The following PIK3CG variants were observed in gnomAD, a reference collection of about 807,000 sequenced individuals.
The protein encoded by PIK3CG is phosphatidylinositol 4,5-bisphosphate 3-kinase catalytic subunit gamma isoform.
A neutral mutation model predicts 102.3 loss-of-function variants in PIK3CG; 55 were observed. That is an observed-to-expected ratio of 0.54 (90% CI 0.43 to 0.67). The LOEUF (loss-of-function observed/expected upper bound fraction) is 0.67. Among genes scored for constraint, PIK3CG ranks in the 30% least tolerant of loss-of-function variants. The pLI is 0.00. For synonymous variants in PIK3CG, 552 were observed against 540.0 expected (o/e 1.02, Z -0.31); for missense variants, 1,258 against 1,391.8 (o/e 0.90, Z 1.53).
rs2116522664 is a variant in PIK3CG, at chr7:106,879,562, G to A, written c.2435G>A (p.Trp812Ter). 6.2e-7 allele frequency: 1 copy of A among 1,613,622 alleles called. No individual in the cohort carries two copies. The highest frequency in any genetic ancestry group is 8.5e-7 in the Non-Finnish European group (1 of 1,179,658). The part of the protein sequence containing the change: ...KVMASKKKPL[W>*]LEFKCADPTA... ...ATGGCCTCCAAGAAAAAACCACTAT[G>A]GCTTGAGTTTAAATGTGCCGATCCT... is the stretch of plus-strand genomic sequence containing the variant. The change falls in exon 6 of 11, where the codon TGG becomes TAG. Residue 812 changes from tryptophan to a stop codon, truncating the protein, a stop_gained. Transcript: ENST00000496166. LOFTEE classifies it high-confidence loss of function. The surrounding 1 kb of genome is among the most constrained non-coding windows in gnomAD (Gnocchi z 4.9).
rs1790437213 is a variant in PIK3CG, at chr7:106,869,109, C to T, written c.1548C>T (p.Ile516=). 1 of 1,614,198 alleles carries T rather than the reference C, an allele frequency of 6.2e-7. No individual in the cohort carries two copies. The change falls in exon 2 of 11, where the codon ATC becomes ATT. Residue 516 remains isoleucine (I), a synonymous_variant. Transcript: ENST00000496166. The surrounding 1 kb of genome is among the most constrained non-coding windows in gnomAD (Gnocchi z 5.3). ...CAGACAAGGAGAACTCAATGTCCAT[C>T]TCCATTCTTCTGGACAATTACTGCC... is the stretch of plus-strand genomic sequence containing the variant. ...TNPDKENSMS[I]SILLDNYCHP... is the part of the protein sequence containing the mutation.
rs2116546970 is a variant in PIK3CG at position 106,883,209 on chromosome 7, C to A, written c.2760+46C>A. On this transcript the variant is annotated intron_variant, in intron 8 of 10. Transcript: ENST00000496166. The surrounding 1 kb of genome is among the most constrained non-coding windows in gnomAD (Gnocchi z 5.8). ...AGTCTAATGGCTCCTTACAAGTTGT[C>A]ATTTATATAGCAGTAGTGGCTTCAA... The A allele has an allele frequency of 6.2e-7, 1 of 1,605,418 alleles. No homozygotes were observed. Among genetic ancestry groups the A allele is most frequent in the South Asian group, 1.1e-5 (1 of 90,798 alleles).
intron 1 of PIK3CG, among the ~76,000 whole-genome samples, chr7:106,866,382 A>T (rs1790284013): frequency 6.6e-6 from 1 of 152,226 alleles, no homozygotes; most frequent in South Asian, 2.1e-4. Flanking sequence ...TTCCTATTGC[A>T]GTATGTCCTA....
chr7:106,897,016 T>G lies in PIK3CG; in HGVS notation c.3031-8093T>G, dbSNP rs1791426102. ...ATAAATTTATATTCTTTTTTCTATATAAATATTTTGTGTTAATTTACCAAA... is the reference window on the plus strand; with the variant it reads ...ATAAATTTATATTCTTTTTTCTATAGAAATATTTTGTGTTAATTTACCAAA... On this transcript the variant is annotated intron_variant, in intron 10 of 10. Transcript: ENST00000496166. The surrounding 1 kb of genome is among the most constrained non-coding windows in gnomAD (Gnocchi z 4.6). Among the ~76,000 whole-genome samples, 1 of 152,236 alleles carries G rather than the reference T, an allele frequency of 6.6e-6. No homozygotes were observed. Among genetic ancestry groups the G allele is most frequent in the Admixed American group, 6.5e-5 (1 of 15,288 alleles).
At chr7:106,900,040 T>C (rs529347219) in intron 10 of PIK3CG, among the ~76,000 whole-genome samples, 37 of 152,254 alleles carry the variant, frequency 2.4e-4, no homozygotes, top group Non-Finnish European at 3.1e-4. Context: ...GAGCTCATTA[T>C]TGGTCTGTTC....
Position 106,876,456 on chromosome 7 carries a change from A to G in PIK3CG, c.2391+1653A>G, listed in dbSNP as rs1156279930. On this transcript the variant is annotated intron_variant, in intron 5 of 10. Coordinates refer to ENST00000496166, the MANE Select transcript of PIK3CG (RefSeq NM_001282426.2). ...GCCCAGGGTGGAGTGCAGAGGCACG[A>G]TCTCGGCTCACTGCAAGCTCCTCCT... 2.0e-5 allele frequency among the ~76,000 whole-genome samples: 3 copies of G among 149,052 alleles called. No homozygotes were observed. In the East Asian group the frequency reaches 6.0e-4, roughly 30 times the overall value.
Position 106,879,607 on chromosome 7 carries a change from C to T in PIK3CG, c.2480C>T (p.Thr827Ile), listed in dbSNP as rs2116523830. Residue 827 changes from threonine to isoleucine, a missense_variant, in exon 6 of 11, where the codon ACA (threonine) becomes ATA (isoleucine). Physicochemically the swap from Thr to Ile is moderately conservative, Grantham distance 89. Transcript: ENST00000496166. The surrounding 1 kb of genome is among the most constrained non-coding windows in gnomAD (Gnocchi z 4.9). ...GATCCTACAGCCCTATCAAATGAAACAATTGGAATTATCTTTAAACATGGT... is the reference window on the plus strand; with the variant it reads ...GATCCTACAGCCCTATCAAATGAAATAATTGGAATTATCTTTAAACATGGT... Reference protein sequence around the residue: ...CADPTALSNETIGIIFKHGDD... With the variant: ...CADPTALSNEIIGIIFKHGDD... The T allele has an allele frequency of 6.2e-7, 1 of 1,612,694 alleles. No homozygotes were observed. The highest frequency in any genetic ancestry group is 8.5e-7 in the Non-Finnish European group (1 of 1,178,720).
At chr7:106,888,090 G>A (rs928611916) in intron 10 of PIK3CG, among the ~76,000 whole-genome samples, 6 of 151,794 alleles carry the variant, frequency 4.0e-5, no homozygotes, top group Admixed American at 1.3e-4. Context: ...ACACGTCCGT[G>A]CCACCATGCC....
rs2116455707 is a variant in PIK3CG, at chr7:106,869,017, C to T, written c.1456C>T (p.Gln486Ter). 6.2e-7 allele frequency: 1 copy of T among 1,614,162 alleles called. No individual in the cohort carries two copies. Among genetic ancestry groups the T allele is most frequent in the Non-Finnish European group, 8.5e-7 (1 of 1,180,036 alleles). ...TGGAGAATACGTCCTCCACATGTGG[C>T]AGATATCTGGGAAGGGAGAAGACCA... ...RRGEYVLHMW[Q>*]ISGKGEDQGS... The change falls in exon 2 of 11, where the codon CAG (glutamine) becomes TAG (stop). Residue 486 changes from glutamine to a stop codon, truncating the protein, a stop_gained. Transcript: ENST00000496166. LOFTEE classifies it high-confidence loss of function. The surrounding 1 kb of genome is among the most constrained non-coding windows in gnomAD (Gnocchi z 5.3).
chr7:106,886,101 A>G (rs1345548770), intron 9 of PIK3CG, 34 bp from the exon 10 acceptor site: 2 of 1,591,774 alleles, frequency 1.3e-6, no homozygotes, highest in South Asian at 2.2e-5. Flanking sequence ...GTGCTGTGCC[A>G]CTGTAATGAT....
At chr7:106,888,980 C>T (rs1412468836) in intron 10 of PIK3CG, among the ~76,000 whole-genome samples, 1 of 152,166 alleles carries the variant, frequency 6.6e-6, no homozygotes. Flanking sequence ...AGCCCAGTGC[C>T]TAGATCATAG....
rs569219747 is a variant in PIK3CG, at chr7:106,868,079, T to G, written c.518T>G (p.Leu173Arg). The G allele has an allele frequency of 1.2e-6, 2 of 1,612,966 alleles. No homozygotes were observed. The highest frequency in any genetic ancestry group is 1.7e-6 in the Non-Finnish European group (2 of 1,179,280). ...TDVSNVHDDE[L>R]EFTRRGLVTP... ...GTCAGCAACGTGCACGACGATGAGCTGGAGTTCACGCGCCGTGGCTTGGTG... is the reference window on the plus strand; with the variant it reads ...GTCAGCAACGTGCACGACGATGAGCGGGAGTTCACGCGCCGTGGCTTGGTG... The change falls in exon 2 of 11, where the codon CTG (leucine) becomes CGG (arginine). Residue 173 changes from leucine to arginine, a missense_variant. Physicochemically the swap from Leu to Arg is moderately radical, Grantham distance 102. This residue lies in a region of PIK3CG where 832 missense variants were observed against 787.5 expected (regional missense o/e 1.06). Coordinates refer to ENST00000496166, the MANE Select transcript of PIK3CG (RefSeq NM_001282426.2). The surrounding 1 kb of genome is among the most constrained non-coding windows in gnomAD (Gnocchi z 6.2).
rs529693040 is a variant in PIK3CG at position 106,894,379 on chromosome 7, C to T, written c.3030+8087C>T. Among the ~76,000 whole-genome samples, 1 of 152,300 alleles carries T rather than the reference C, an allele frequency of 6.6e-6. No individual in the cohort carries two copies. The highest frequency in any genetic ancestry group is 1.9e-4 in the East Asian group (1 of 5,182). On this transcript the variant is annotated intron_variant, in intron 10 of 10. Transcript: ENST00000496166. This position sits in a 1 kb window ranked among gnomAD's most constrained non-coding sequence, Gnocchi z 4.4. ...CTAAATATTCGAGAAGATGACAGTA[C>T]AGCCCTTCTCCTGGTAAACAGAGCT...
Position 106,873,065 on chromosome 7 carries a change from T to C in PIK3CG, c.2287+127T>C, listed in dbSNP as rs1232746061. On this transcript the variant is annotated intron_variant, in intron 4 of 10. Coordinates refer to ENST00000496166, the MANE Select transcript of PIK3CG (RefSeq NM_001282426.2). ...TCCTGAAGGCACCAAGAACACATTT[T>C]TGAGTTTTCTGTCTGCATGGAGTAA... The C allele has an allele frequency of 4.4e-6, 3 of 674,760 alleles. No individual in the cohort carries two copies. The African/African-American group carries it at 5.4e-5, about 12-fold the overall frequency. The allele number at this position is 674,760 out of a possible 1,614,324, so 41.8% of individuals were successfully genotyped here.
rs891037998 is a variant in PIK3CG at position 106,894,014 on chromosome 7, T to G, written c.3030+7722T>G. Among the ~76,000 whole-genome samples the G allele has an allele frequency of 6.6e-6, 1 of 152,208 alleles. No homozygotes were observed. Among genetic ancestry groups the G allele is most frequent in the African/African-American group, 2.4e-5 (1 of 41,462 alleles). ...ACAGTAAAAATATGGAATTATAATC[T>G]TATGAAACAACTATGATAGATGCAG... On this transcript the variant is annotated intron_variant, in intron 10 of 10. Transcript: ENST00000496166. This position sits in a 1 kb window ranked among gnomAD's most constrained non-coding sequence, Gnocchi z 4.4.
chr7:106,874,749 C>A lies in PIK3CG; in HGVS notation c.2337C>A (p.Leu779=), dbSNP rs1790663568. ...TTGAAAACCTGCAGAATTCTCAACT[C>A]CCCGAAAGCTTTAGAGTTCCATATG... ...QKLENLQNSQ[L]PESFRVPYDP... The change falls in exon 5 of 11, where the codon CTC becomes CTA. Residue 779 remains leucine (L), a synonymous_variant. Coordinates refer to ENST00000496166, the MANE Select transcript of PIK3CG (RefSeq NM_001282426.2). This position sits in a 1 kb window ranked among gnomAD's most constrained non-coding sequence, Gnocchi z 4.3. 2 of 1,614,032 alleles carry A rather than the reference C, an allele frequency of 1.2e-6. No homozygotes were observed. Among genetic ancestry groups the A allele is most frequent in the Non-Finnish European group, 1.7e-6 (2 of 1,179,936 alleles).
At position 106,905,752 on chromosome 7, in the gene PIK3CG, G is replaced by T; in HGVS notation, c.*365G>T. ...AATTGATGACATCTATTTTCATCTG[G>T]GTTTAGTCTCAATTTTGGTTATCTT... On this transcript the variant is annotated 3_prime_UTR_variant, in exon 11 of 11. Transcript: ENST00000496166. The surrounding 1 kb of genome is among the most constrained non-coding windows in gnomAD (Gnocchi z 5.6). The T allele has an allele frequency of 7.3e-6, 2 of 275,214 alleles. No homozygotes were observed. The highest frequency in any genetic ancestry group is 5.6e-5 in the East Asian group (1 of 17,844). The allele number at this position is 275,214 out of a possible 1,614,324, so 17.0% of individuals were successfully genotyped here.
In PIK3CG at chr7:106,874,693, A is replaced by G. The variant is rs776756824; in HGVS notation, c.2288-7A>G. On this transcript the variant is annotated splice_region_variant and splice_polypyrimidine_tract_variant and intron_variant, in intron 4 of 10. Coordinates refer to ENST00000496166, the MANE Select transcript of PIK3CG (RefSeq NM_001282426.2). The surrounding 1 kb of genome is among the most constrained non-coding windows in gnomAD (Gnocchi z 4.3). ...ACATAACTCTTGTGTACTTTTGACA[A>G]TTACAGTTATTTCACAACTTAAACA... 6.3e-7 allele frequency: 1 copy of G among 1,580,718 alleles called. No homozygotes were observed. Among genetic ancestry groups the G allele is most frequent in the African/African-American group, 1.3e-5 (1 of 74,342 alleles).
At position 106,868,754 on chromosome 7, in the gene PIK3CG, G is replaced by T. The variant is rs2116449100; in HGVS notation, c.1193G>T (p.Arg398Ile). Residue 398 changes from arginine (R) to isoleucine (I), a missense_variant, in exon 2 of 11, where the codon AGA becomes ATA. By Grantham distance (97) the Arg-to-Ile change is moderately conservative. Coordinates refer to ENST00000496166, the MANE Select transcript of PIK3CG (RefSeq NM_001282426.2). This position sits in a 1 kb window ranked among gnomAD's most constrained non-coding sequence, Gnocchi z 6.2. Reference protein sequence around the residue: ...QHGQQVLCQRRTSPKPFTEEV... With the variant: ...QHGQQVLCQRITSPKPFTEEV... Reference sequence around the variant, plus strand: ...GGGCAACAAGTCCTTTGCCAAAGGAGAACCAGCCCCAAACCCTTCACAGAG... The same window carrying T: ...GGGCAACAAGTCCTTTGCCAAAGGATAACCAGCCCCAAACCCTTCACAGAG... 6.2e-7 allele frequency: 1 copy of T among 1,614,232 alleles called. No homozygotes were observed.
Sources: allele counts gnomAD v4.1 joint callset (sites outside exome capture counted in the v4.1 genomes callset), GRCh38; gene constraint gnomAD v4.1.1; regional missense constraint gnomAD v4.1.1; non-coding constraint Gnocchi (gnomAD v3.1); transcripts MANE v1.5; gene names NCBI Gene and HGNC (gene_info 2026-07-23, HGNC 2026-07-21).